Variants in PIK3AP1 observed in about 807,000 individuals in gnomAD.
The protein encoded by PIK3AP1 is phosphoinositide-3-kinase adaptor protein 1.
Under a neutral mutation model 88.1 loss-of-function variants are expected in PIK3AP1, and 21 were observed. That is an observed-to-expected ratio of 0.24 (90% CI 0.17 to 0.34). The LOEUF is 0.34. Among genes scored for constraint, PIK3AP1 ranks in the 10% least tolerant of loss-of-function variants. The pLI is 1.00. For missense variants in PIK3AP1, 828 were observed against 1,035.7 expected, an observed-to-expected ratio of 0.80 and a Z score of 2.75; for synonymous variants, 398 against 400.0, an observed-to-expected ratio of 1.00 and a Z score of 0.06.
chr10:96,711,235 C>T (rs1844433773), intron 1 of PIK3AP1, among the ~76,000 whole-genome samples: 1 of 152,216 alleles, frequency 6.6e-6, no homozygotes, highest in African/African-American at 2.4e-5. Flanking sequence ...CCCTGGTTCC[C>T]AGTCCAGCCT....
At chr10:96,620,762 A>C (rs1388653049) in intron 11 of PIK3AP1, 3 of 544,868 alleles carry the variant, frequency 5.5e-6, no homozygotes, top group Non-Finnish European at 9.9e-6. Context: ...ACTGAAGTAG[A>C]CAAGGCTGCA....
chr10:96,720,420 G>A lies in PIK3AP1; in HGVS notation c.-26C>T, dbSNP rs1844556313. The A allele has an allele frequency of 6.5e-6, 8 of 1,234,374 alleles. No homozygotes were observed. Among genetic ancestry groups the A allele is most frequent in the Non-Finnish European group, 7.1e-6 (7 of 985,496 alleles). 76.5% of individuals were successfully genotyped at this position (1,234,374 alleles called of 1,614,324 possible). A position where few individuals can be genotyped will look rare whatever the true frequency, so the allele number is the denominator to read the frequency against. ...GCCGCGGGGCGCCGCTCACATCCCTGGCTCGCTGCGTGCCCGGGGCCGGGA... is the reference window on the plus strand; with the variant it reads ...GCCGCGGGGCGCCGCTCACATCCCTAGCTCGCTGCGTGCCCGGGGCCGGGA... On this transcript the variant is annotated 5_prime_UTR_variant, in exon 1 of 17. Transcript: ENST00000339364. The surrounding 1 kb of genome is among the most constrained non-coding windows in gnomAD (Gnocchi z 4.6).
chr10:96,700,202 G>A (rs1261663734), intron 2 of PIK3AP1, among the ~76,000 whole-genome samples: 1 of 152,154 alleles, frequency 6.6e-6, no homozygotes, highest in Non-Finnish European at 1.5e-5. Context: ...AAAGTGTAAC[G>A]CGAACAGGAG....
At position 96,691,037 on chromosome 10, in the gene PIK3AP1, C is replaced by T. The variant is rs564544649; in HGVS notation, c.430+18530G>A. On this transcript the variant is annotated intron_variant, in intron 2 of 16. Coordinates refer to ENST00000339364, the MANE Select transcript of PIK3AP1 (RefSeq NM_152309.3). ...CTCCAGGGAGTTCCAGTCCTTGGCTCCAGGTATCTCTGAGGACCAACTGCA... is the reference window on the plus strand; with the variant it reads ...CTCCAGGGAGTTCCAGTCCTTGGCTTCAGGTATCTCTGAGGACCAACTGCA... Among the ~76,000 whole-genome samples the T allele has an allele frequency of 2.0e-5, 3 of 152,280 alleles. No homozygotes were observed. In the East Asian group the frequency reaches 5.8e-4, roughly 29 times the overall value.
chr10:96,663,918 G>C (rs762885798), intron 2 of PIK3AP1, among the ~76,000 whole-genome samples: 1 of 152,150 alleles, frequency 6.6e-6, no homozygotes, highest in Non-Finnish European at 1.5e-5. Context: ...ATGCTGTGAA[G>C]TACACCCAAT....
chr10:96,631,288 C>A, intron 8 of PIK3AP1, among the ~76,000 whole-genome samples: 1 of 152,208 alleles, frequency 6.6e-6, no homozygotes, highest in Admixed American at 6.5e-5. Context: ...TATCAGAGTG[C>A]AAACCTCACA....
At chr10:96,719,836 T>C (rs1844548117) in intron 1 of PIK3AP1, among the ~76,000 whole-genome samples, 1 of 152,132 alleles carries the variant, frequency 6.6e-6, no homozygotes, top group Non-Finnish European at 1.5e-5. Flanking sequence ...GTTCAAGGAA[T>C]AGTGTTCCTA....
chr10:96,653,159 C>A (rs796278132), intron 3 of PIK3AP1, among the ~76,000 whole-genome samples: 4 of 152,058 alleles, frequency 2.6e-5, no homozygotes, highest in Admixed American at 6.5e-5. Flanking sequence ...GTAATCTCAA[C>A]GCTTTGGGAG....
rs561432490 is a variant in PIK3AP1, at chr10:96,652,072, T to C, written c.713-421A>G. On this transcript the variant is annotated intron_variant, in intron 4 of 16. Coordinates refer to ENST00000339364, the MANE Select transcript of PIK3AP1 (RefSeq NM_152309.3). Reference sequence around the variant, plus strand: ...GGCAGCTGAACTGGCTCACTGCAAGTCATGAGCTGCTGTCATGACTACGCA... The same window carrying C: ...GGCAGCTGAACTGGCTCACTGCAAGCCATGAGCTGCTGTCATGACTACGCA... Among the ~76,000 whole-genome samples the C allele has an allele frequency of 5.9e-5, 9 of 151,980 alleles. No individual in the cohort carries two copies. In the East Asian group the frequency reaches 1.7e-3, roughly 29 times the overall value.
intron 12 of PIK3AP1, among the ~76,000 whole-genome samples, chr10:96,617,223 G>A (rs1468752230): frequency 6.6e-6 from 1 of 152,226 alleles, no homozygotes; most frequent in African/African-American, 2.4e-5. Flanking sequence ...AGCTCTTCAA[G>A]GTCAAGAGAC....
At chr10:96,710,848 T>G (rs1332638144) in intron 1 of PIK3AP1, among the ~76,000 whole-genome samples, 1 of 152,184 alleles carries the variant, frequency 6.6e-6, no homozygotes, top group African/African-American at 2.4e-5. Flanking sequence ...TGAGTTAAAT[T>G]AGATATTTCA....
At chr10:96,686,013 G>A (rs1409820665) in intron 2 of PIK3AP1, among the ~76,000 whole-genome samples, 1 of 152,156 alleles carries the variant, frequency 6.6e-6, no homozygotes, top group Admixed American at 6.5e-5. Context: ...AGGGGTGGAT[G>A]TTTAATAAAT....
At chr10:96,652,145 G>A (rs1843547174) in intron 4 of PIK3AP1, among the ~76,000 whole-genome samples, 2 of 152,056 alleles carry the variant, frequency 1.3e-5, no homozygotes, top group South Asian at 2.1e-4. Flanking sequence ...TTTTGAGGGG[G>A]CAAGAGAAAA....
chr10:96,712,070 A>T (rs540773458), intron 1 of PIK3AP1, among the ~76,000 whole-genome samples: 4 of 152,104 alleles, frequency 2.6e-5, no homozygotes, highest in African/African-American at 7.2e-5. Context: ...CCAAATTTTT[A>T]AAAATAGCAA....
chr10:96,668,682 T>C (rs1843799488), intron 2 of PIK3AP1, among the ~76,000 whole-genome samples: 1 of 152,192 alleles, frequency 6.6e-6, no homozygotes, highest in Non-Finnish European at 1.5e-5. Flanking sequence ...GTGGTTCATG[T>C]CCAAGACTTC....
At position 96,639,586 on chromosome 10, in the gene PIK3AP1, T is replaced by C. The variant is rs369031245; in HGVS notation, c.1375+5887A>G. Among the ~76,000 whole-genome samples, 7 of 152,306 alleles carry C rather than the reference T, an allele frequency of 4.6e-5. No homozygotes were observed. The South Asian group carries it at 1.4e-3, about 32-fold the overall frequency. On this transcript the variant is annotated intron_variant, in intron 8 of 16. Transcript: ENST00000339364. ...CCCTATGTCCCCAACATAGTTCTTG[T>C]ATTTATGGAGGAGCAAAAAGCAACA...
chr10:96,633,146 C>T (rs1843269411), intron 8 of PIK3AP1: 7 of 1,400,384 alleles, frequency 5.0e-6, no homozygotes, highest in Non-Finnish European at 6.7e-6. Flanking sequence ...TCAATGCCCT[C>T]AGGAAAGCCC....
At chr10:96,600,212 C>T (rs1848864021) in intron 16 of PIK3AP1, among the ~76,000 whole-genome samples, 1 of 152,218 alleles carries the variant, frequency 6.6e-6, no homozygotes, top group Non-Finnish European at 1.5e-5. Flanking sequence ...TCAGCCCAAT[C>T]TCAAGCCCCA....
intron 2 of PIK3AP1, among the ~76,000 whole-genome samples, chr10:96,659,832 GTTTTAAAATAATAT>G (rs932268739): frequency 1.4e-4 from 22 of 151,844 alleles, no homozygotes; most frequent in Non-Finnish European, 2.9e-4. Flanking sequence ...ACACTCCTCA[GTTTTAAAATAATAT>G]TTAGAGTAAA....
Sources: gnomAD v4.1 joint callset for allele counts (sites outside exome capture counted in the v4.1 genomes callset) on GRCh38, gnomAD v4.1.1 for gene constraint, Gnocchi (gnomAD v3.1) non-coding constraint, MANE v1.5 for transcripts, NCBI Gene and HGNC (gene_info 2026-07-23, HGNC 2026-07-21) for gene names.